Variants in SP4 observed in about 807,000 individuals in gnomAD.
SP4 encodes the protein Sp4 transcription factor, also known as transcription factor Sp4.
Under a neutral mutation model 72.8 loss-of-function variants are expected in SP4, and 19 were observed. That is an observed-to-expected ratio of 0.26 (90% CI 0.18 to 0.38). SP4 has a LOEUF of 0.38. Among genes scored for constraint, SP4 ranks in the 10% least tolerant of loss-of-function variants. SP4 has a pLI of 1.00. For synonymous variants in SP4, 395 were observed against 333.1 expected, an observed-to-expected ratio of 1.19 and a Z score of -2.02; for missense variants, 1,008 against 926.3, an observed-to-expected ratio of 1.09 and a Z score of -1.14.
chr7:21,430,337 A>G lies in SP4; in HGVS notation c.1172A>G (p.Asn391Ser), dbSNP rs779582166. Residue 391 changes from asparagine to serine, a missense_variant, in exon 3 of 6, where the codon AAT becomes AGT. By Grantham distance (46) the Asn-to-Ser change is conservative. This residue lies in a region of SP4 where 893 missense variants were observed against 743.3 expected (regional missense o/e 1.20). Coordinates refer to ENST00000222584, the MANE Select transcript of SP4 (RefSeq NM_003112.5). ...NGMQNAQDQSNSLQQVQIVGQ... is the reference protein window; with the variant it reads ...NGMQNAQDQSSSLQQVQIVGQ... ...ATGCAGAATGCACAGGATCAATCAAATTCTCTTCAGCAGGTGCAAATTGTA... is the reference window on the plus strand; with the variant it reads ...ATGCAGAATGCACAGGATCAATCAAGTTCTCTTCAGCAGGTGCAAATTGTA... The G allele has an allele frequency of 1.9e-6, 3 of 1,614,204 alleles. No individual in the cohort carries two copies. The East Asian group carries it at 6.7e-5, about 36-fold the overall frequency.
intron 5 of SP4, among the ~76,000 whole-genome samples, chr7:21,487,923 C>T (rs974273335): frequency 2.6e-5 from 4 of 151,988 alleles, no homozygotes; most frequent in African/African-American, 9.7e-5. Context: ...TTCACTGGCA[C>T]GATCACAGCT....
At chr7:21,457,020 A>G (rs1187585261) in intron 3 of SP4, among the ~76,000 whole-genome samples, 2 of 125,350 alleles carry the variant, frequency 1.6e-5, no homozygotes, top group Admixed American at 8.7e-5. Flanking sequence ...GAATGCCTCC[A>G]GCCTAAGAAG....
At chr7:21,442,195 C>G (rs1202524535) in intron 3 of SP4, among the ~76,000 whole-genome samples, 1 of 151,960 alleles carries the variant, frequency 6.6e-6, no homozygotes, top group South Asian at 2.1e-4. Flanking sequence ...CCCGCCACCA[C>G]GCCCAGCCAA....
At chr7:21,464,755 A>G (rs981364949) in intron 3 of SP4, among the ~76,000 whole-genome samples, 1 of 152,090 alleles carries the variant, frequency 6.6e-6, no homozygotes, top group Non-Finnish European at 1.5e-5. Context: ...AGACTTTTCA[A>G]GTTATAAAAA....
chr7:21,437,293 A>G (rs1366174642), intron 3 of SP4, among the ~76,000 whole-genome samples: 1 of 152,232 alleles, frequency 6.6e-6, no homozygotes, highest in Non-Finnish European at 1.5e-5. Flanking sequence ...CTAAGAAACT[A>G]GGTTCATATC....
At chr7:21,503,863 C>T (rs1489501883) in intron 5 of SP4, among the ~76,000 whole-genome samples, 1 of 152,132 alleles carries the variant, frequency 6.6e-6, no homozygotes, top group Non-Finnish European at 1.5e-5. Flanking sequence ...GGTATAAATC[C>T]CTATACACCC....
chr7:21,510,566 T>G (rs904723586), intron 5 of SP4, among the ~76,000 whole-genome samples: 1 of 152,216 alleles, frequency 6.6e-6, no homozygotes, highest in African/African-American at 2.4e-5. Context: ...TGCTATTAAA[T>G]TATTAACTTA....
intron 3 of SP4, among the ~76,000 whole-genome samples, chr7:21,450,737 T>A (rs1244651643): frequency 6.6e-6 from 1 of 152,214 alleles, no homozygotes; most frequent in African/African-American, 2.4e-5. Flanking sequence ...ACATACTAGC[T>A]TGTTACTAGA....
At chr7:21,471,418 G>A (rs1353825199) in intron 3 of SP4, among the ~76,000 whole-genome samples, 2 of 152,216 alleles carry the variant, frequency 1.3e-5, no homozygotes, top group African/African-American at 4.8e-5. Context: ...AATGTATATG[G>A]TGGAAAGAGA....
At chr7:21,497,591 G>A (rs996736584) in intron 5 of SP4, among the ~76,000 whole-genome samples, 1 of 152,052 alleles carries the variant, frequency 6.6e-6, no homozygotes, top group Non-Finnish European at 1.5e-5. Context: ...TTTTGCTCTT[G>A]CCCCCTCTTT....
At position 21,447,010 on chromosome 7, in the gene SP4, C is replaced by T. The variant is rs1783447252; in HGVS notation, c.1678+16167C>T. The stretch of plus-strand genomic sequence containing the variant: ...ATTCACTAGCGCCCTTGTGACTAGC[C>T]ACATGTCCAGCCTTCAGCAACAGCA... On this transcript the variant is annotated intron_variant, in intron 3 of 5. Coordinates refer to ENST00000222584, the MANE Select transcript of SP4 (RefSeq NM_003112.5). Among the ~76,000 whole-genome samples the T allele has an allele frequency of 2.0e-5, 3 of 152,116 alleles. No individual in the cohort carries two copies. In the East Asian group the frequency reaches 5.8e-4, roughly 29 times the overall value.
chr7:21,484,331 T>A (rs924192636), intron 5 of SP4, among the ~76,000 whole-genome samples: 1 of 151,914 alleles, frequency 6.6e-6, no homozygotes, highest in Admixed American at 6.6e-5. Context: ...ACAATATTTT[T>A]AATAATTTTA....
intron 5 of SP4, among the ~76,000 whole-genome samples, chr7:21,497,136 C>T (rs1334062396): frequency 6.6e-6 from 1 of 152,248 alleles, no homozygotes; most frequent in African/African-American, 2.4e-5. Flanking sequence ...TAGACAAACA[C>T]ATGCCCTGCC....
intron 3 of SP4, among the ~76,000 whole-genome samples, chr7:21,474,922 C>T (rs935856521): frequency 1.1e-4 from 17 of 152,116 alleles, no homozygotes; most frequent in South Asian, 2.1e-4. Context: ...GAAGGATTAA[C>T]GGTGCTGTGG....
In SP4 at chr7:21,428,183, G is replaced by GCCCCCCCCCCCCCC; in HGVS notation, c.-67_-66insCCCCCCCCCCCCCC. 1 of 370,468 alleles carries GCCCCCCCCCCCCCC rather than the reference G, an allele frequency of 2.7e-6. No individual in the cohort carries two copies. The highest frequency in any genetic ancestry group is 5.3e-6 in the Non-Finnish European group (1 of 190,028). The allele number at this position is 370,468 out of a possible 1,614,324, so 22.9% of individuals were successfully genotyped here. A position where few individuals can be genotyped will look rare whatever the true frequency, so the allele number is the denominator to read the frequency against. ...GCGGGCGGGACCGGCCTCTCCTCCC[G>GCCCCCCCCCCCCCC]CCTCGCCCCCACCCCCACCCACCTC... On this transcript the variant is annotated 5_prime_UTR_variant, in exon 1 of 6. Transcript: ENST00000222584.
chr7:21,428,916 T>C lies in SP4; in HGVS notation c.123+124T>C. The C allele has an allele frequency of 6.4e-6, 5 of 784,988 alleles. No homozygotes were observed. In the South Asian group the frequency reaches 9.6e-5, roughly 15 times the overall value. 48.6% of individuals were successfully genotyped at this position (784,988 alleles called of 1,614,324 possible). ...TCCACTCAAAGCATCTTTCTGAGAG[T>C]GTGGAACTTAAATTGTAAATTCATC... is the stretch of plus-strand genomic sequence containing the variant. On this transcript the variant is annotated intron_variant, in intron 2 of 5. Coordinates refer to ENST00000222584, the MANE Select transcript of SP4 (RefSeq NM_003112.5).
At chr7:21,501,961 A>C (rs1190327519) in intron 5 of SP4, among the ~76,000 whole-genome samples, 1 of 149,966 alleles carries the variant, frequency 6.7e-6, no homozygotes, top group Non-Finnish European at 1.5e-5. Flanking sequence ...TCTAGTCCAC[A>C]TTCTTAATAG....
At chr7:21,469,624 C>T (rs1364145907) in intron 3 of SP4, among the ~76,000 whole-genome samples, 2 of 150,490 alleles carry the variant, frequency 1.3e-5, no homozygotes, top group Non-Finnish European at 2.9e-5. Flanking sequence ...TCACTGCAAC[C>T]TCCGCCTCCC....
intron 3 of SP4, among the ~76,000 whole-genome samples, chr7:21,476,632 T>G (rs904935687): frequency 6.6e-6 from 1 of 152,228 alleles, no homozygotes; most frequent in Non-Finnish European, 1.5e-5. Flanking sequence ...ATCCTTTGTT[T>G]AGTGACTTTT....
Sources: allele counts gnomAD v4.1 joint callset (sites outside exome capture counted in the v4.1 genomes callset), GRCh38; gene constraint gnomAD v4.1.1; regional missense constraint gnomAD v4.1.1; transcripts MANE v1.5; gene names NCBI Gene and HGNC (gene_info 2026-07-23, HGNC 2026-07-21).